PDZD2: variants seen among roughly 807,000 people sequenced by gnomAD.
PDZD2 encodes PDZ domain-containing protein 2.
A neutral mutation model predicts 220.7 loss-of-function variants in PDZD2; 90 were observed. The observed-to-expected ratio is 0.41, with a 90% CI of 0.34 to 0.49. PDZD2 has a LOEUF of 0.49. Among genes scored for constraint, PDZD2 ranks in the 20% least tolerant of loss-of-function variants. The probability of loss-of-function intolerance (pLI) is 0.28; values close to 1 mark genes in which losing one functional copy is unlikely to be tolerated. For synonymous variants in PDZD2, 1,375 were observed against 1,450.5 expected, an observed-to-expected ratio of 0.95 and a Z score of 1.18; for missense variants, 3,174 against 3,608.5, an observed-to-expected ratio of 0.88 and a Z score of 3.08.
At chr5:31,880,094 A>G (rs996837500) in intron 2 of PDZD2, among the ~76,000 whole-genome samples, 2 of 149,328 alleles carry the variant, frequency 1.3e-5, no homozygotes, top group South Asian at 2.1e-4. Flanking sequence ...TACTTTTTGT[A>G]TTTTTTTTTA....
intron 2 of PDZD2, chr5:31,908,826 C>T (rs1300090675): frequency 1.7e-6 from 1 of 590,126 alleles, no homozygotes; most frequent in African/African-American, 1.9e-5. Flanking sequence ...GGGAGGATCA[C>T]TTGAGCTCAG....
At chr5:31,940,591 G>A (rs1325792910) in intron 2 of PDZD2, among the ~76,000 whole-genome samples, 1 of 152,216 alleles carries the variant, frequency 6.6e-6, no homozygotes, top group Admixed American at 6.5e-5. Context: ...TCACCCTATA[G>A]TCTGTATTTT....
intron 2 of PDZD2, among the ~76,000 whole-genome samples, chr5:31,855,810 G>A (rs576068495): frequency 1.3e-5 from 2 of 152,296 alleles, no homozygotes; most frequent in South Asian, 4.1e-4. Flanking sequence ...GATATTTAAA[G>A]ATGCAGGATG....
At chr5:31,892,755 C>T (rs898173404) in intron 2 of PDZD2, among the ~76,000 whole-genome samples, 5 of 17,968 alleles carry the variant, frequency 2.8e-4, no homozygotes, top group Admixed American at 8.5e-4. Flanking sequence ...TGTGGGTGGG[C>T]GGGGGGGGTC....
intron 19 of PDZD2, among the ~76,000 whole-genome samples, chr5:32,086,908 C>G (rs1206207978): frequency 7.0e-6 from 1 of 142,752 alleles, no homozygotes; most frequent in African/African-American, 2.6e-5. Context: ...AGGCTGGTCT[C>G]GAACTCCTGA....
At chr5:31,735,458 A>G (rs1749802354) in intron 1 of PDZD2, among the ~76,000 whole-genome samples, 1 of 152,186 alleles carries the variant, frequency 6.6e-6, no homozygotes, top group South Asian at 2.1e-4. Context: ...CTAACCAAGA[A>G]GAGCCCAATA....
At chr5:31,802,441 C>A (rs1754445353) in intron 2 of PDZD2, among the ~76,000 whole-genome samples, 1 of 152,176 alleles carries the variant, frequency 6.6e-6, no homozygotes, top group South Asian at 2.1e-4. Context: ...CACTTATGGG[C>A]ACTCCGAAAG....
At chr5:32,056,763 C>T (rs1465396643) in intron 10 of PDZD2, among the ~76,000 whole-genome samples, 2 of 152,110 alleles carry the variant, frequency 1.3e-5, no homozygotes, top group African/African-American at 4.8e-5. Context: ...AACTTGCCAG[C>T]TTACTGACAG....
At chr5:31,722,011 C>A (rs781038074) in intron 1 of PDZD2, among the ~76,000 whole-genome samples, 1 of 152,088 alleles carries the variant, frequency 6.6e-6, no homozygotes, top group Non-Finnish European at 1.5e-5. Context: ...CATCAGCAAG[C>A]CCTGTCTGCT....
chr5:31,723,709 C>T (rs146388373), intron 1 of PDZD2, among the ~76,000 whole-genome samples: 19,884 of 152,064 alleles, frequency 0.13, 1,411 homozygotes, highest in East Asian at 0.22. Context: ...CCTCCGCCTC[C>T]CCAGTTCAAG....
At chr5:32,079,914 G>A (rs1227905190) in intron 19 of PDZD2, among the ~76,000 whole-genome samples, 4 of 152,142 alleles carry the variant, frequency 2.6e-5, no homozygotes, top group South Asian at 2.1e-4. Flanking sequence ...TCTGTGATCC[G>A]AGGCTCTTTG....
At chr5:31,832,393 CT>C (rs1170300854) in intron 2 of PDZD2, 1 of 152,192 alleles carries the variant, frequency 6.6e-6, no homozygotes, top group African/African-American at 2.4e-5. Flanking sequence ...CAACTGTACA[CT>C]TGAAAATCAT....
intron 2 of PDZD2, among the ~76,000 whole-genome samples, chr5:31,857,150 C>T (rs185913550): frequency 6.6e-6 from 1 of 152,184 alleles, no homozygotes; most frequent in African/African-American, 2.4e-5. Flanking sequence ...CACACTCAGC[C>T]TCAACTTCCA....
chr5:31,776,578 A>C (rs1042358637), intron 1 of PDZD2, among the ~76,000 whole-genome samples: 1 of 150,334 alleles, frequency 6.7e-6, no homozygotes, highest in Non-Finnish European at 1.5e-5. Flanking sequence ...ATCCTCCCAA[A>C]GTGCTGAGAT....
At chr5:31,674,649 C>G (rs764673385) in intron 1 of PDZD2, among the ~76,000 whole-genome samples, 1 of 152,054 alleles carries the variant, frequency 6.6e-6, no homozygotes, top group Non-Finnish European at 1.5e-5. Flanking sequence ...GACTGGATGC[C>G]TCTGAATCTG....
chr5:31,716,908 C>T (rs1748483487), intron 1 of PDZD2, among the ~76,000 whole-genome samples: 2 of 152,048 alleles, frequency 1.3e-5, no homozygotes, highest in African/African-American at 4.8e-5. Flanking sequence ...ATGATTAGGG[C>T]AGGGGGCCCT....
intron 3 of PDZD2, among the ~76,000 whole-genome samples, chr5:31,987,161 G>A (rs1322565412): frequency 2.6e-5 from 4 of 152,276 alleles, no homozygotes; most frequent in South Asian, 2.1e-4. Context: ...AGAATGTAAT[G>A]TATTTTTGTA....
chr5:31,754,609 C>T (rs893374307), intron 1 of PDZD2: 1 of 152,136 alleles, frequency 6.6e-6, no homozygotes, highest in Non-Finnish European at 1.5e-5. Context: ...TTTTTTCTTA[C>T]AGCCAGTAGA....
In PDZD2 at chr5:31,799,359, G is replaced by A. The variant is rs76324570; in HGVS notation, c.111G>A (p.Ala37=). Reference sequence around the variant, plus strand: ...GGCCGGAGCAGCGGCTCTGCCAGGCGGCCATCCAGAAGCTGCAGGAGTACA... The same window carrying A: ...GGCCGGAGCAGCGGCTCTGCCAGGCAGCCATCCAGAAGCTGCAGGAGTACA... ...GDGPEQRLCQ[A]AIQKLQEYIQ... Residue 37 remains alanine, a synonymous_variant, in exon 2 of 25, where the codon GCG becomes GCA. Transcript: ENST00000438447. The A allele has an allele frequency of 1.0e-3, 1,618 of 1,614,208 alleles. 8 individuals are homozygous for A. In the African/African-American group the frequency reaches 0.014, roughly 14 times the overall value.
Sources: gnomAD v4.1 joint callset for allele counts (sites outside exome capture counted in the v4.1 genomes callset) on GRCh38, gnomAD v4.1.1 for gene constraint, MANE v1.5 for transcripts, NCBI Gene and HGNC (gene_info 2026-07-23, HGNC 2026-07-21) for gene names.